The following CSTF3 variants were observed in gnomAD, a reference collection of about 807,000 sequenced individuals.
CSTF3 encodes cleavage stimulation factor subunit 3.
CSTF3 carries 29 observed loss-of-function variants against 105.8 expected under a neutral mutation model. The observed-to-expected ratio is 0.27, with a 90% CI of 0.20 to 0.37. The LOEUF (loss-of-function observed/expected upper bound fraction) is 0.37, where lower values mean the gene tolerates loss of function less well. CSTF3 is among the 10% of genes least tolerant of loss of function. CSTF3 has a pLI of 1.00. For synonymous variants in CSTF3, 252 were observed against 281.9 expected (o/e 0.89, Z 1.06); for missense variants, 357 against 879.3 (o/e 0.41, Z 7.51).
chr11:33,097,674 C>T (rs1229774497), intron 13 of CSTF3, among the ~76,000 whole-genome samples: 2 of 152,206 alleles, frequency 1.3e-5, no homozygotes, highest in East Asian at 1.9e-4. Flanking sequence ...GCCTGCAATA[C>T]ATGTTTAACT....
chr11:33,135,566 C>G (rs1412927070), intron 3 of CSTF3, among the ~76,000 whole-genome samples: 3 of 152,068 alleles, frequency 2.0e-5, no homozygotes. Flanking sequence ...ACTTTGGCTC[C>G]AGGGATAACA....
At position 33,098,535 on chromosome 11, in the gene CSTF3, T is replaced by C. The variant is rs1254946290; in HGVS notation, c.1128+155A>G. On this transcript the variant is annotated intron_variant, in intron 13 of 20. Transcript: ENST00000323959. Reference sequence around the variant, plus strand: ...TGGAGGATGGTGGAGGTGTTTTCTATCTTAATTGTGGTGGGGATCCCATAC... The same window carrying C: ...TGGAGGATGGTGGAGGTGTTTTCTACCTTAATTGTGGTGGGGATCCCATAC... Among the ~76,000 whole-genome samples, 4 of 152,248 alleles carry C rather than the reference T, an allele frequency of 2.6e-5. No individual in the cohort carries two copies. The East Asian group carries it at 5.8e-4, about 22-fold the overall frequency.
intron 3 of CSTF3, among the ~76,000 whole-genome samples, chr11:33,123,792 GTC>G (rs1048305279): frequency 7.2e-5 from 11 of 152,092 alleles, no homozygotes; most frequent in African/African-American, 2.4e-4. Context: ...TCTGAACATT[GTC>G]TCTGAGGGGA....
chr11:33,141,341 G>C, intron 3 of CSTF3: 1 of 603,634 alleles, frequency 1.7e-6, no homozygotes, highest in Non-Finnish European at 2.2e-6. Flanking sequence ...TTTGTAAGTA[G>C]GAATAAAAAG....
chr11:33,090,335 A>G (rs1235048996), intron 17 of CSTF3, among the ~76,000 whole-genome samples, 197 bp downstream of exon 17: 1 of 152,182 alleles, frequency 6.6e-6, no homozygotes, highest in Non-Finnish European at 1.5e-5. Flanking sequence ...TCCCATTTCA[A>G]TTCTCATTTT....
chr11:33,120,364 G>T (rs867804032), intron 3 of CSTF3, among the ~76,000 whole-genome samples: 54 of 151,668 alleles, frequency 3.6e-4, no homozygotes, highest in Non-Finnish European at 2.2e-4. Context: ...TGGGAATATG[G>T]TTTTTTTCTC....
At chr11:33,096,441 A>T (rs75467356) in intron 14 of CSTF3, 33 bp from the exon 15 acceptor site, 1 of 1,334,268 alleles carries the variant, frequency 7.5e-7, no homozygotes. Flanking sequence ...ACAGATTTCC[A>T]TGAAATGTCA....
rs1855091866 is a variant in CSTF3 at position 33,085,209 on chromosome 11, C to T, written c.2032G>A (p.Ala678Thr). 1.9e-6 allele frequency: 3 copies of T among 1,611,524 alleles called. No individual in the cohort carries two copies. Among genetic ancestry groups the T allele is most frequent in the Non-Finnish European group, 2.5e-6 (3 of 1,178,798 alleles). ...VEGNGPVESN[A>T]VLTKAVKRPN... Reference sequence around the variant, plus strand: ...CTTTTGACGGCCTTGGTGAGTACTGCATTACTTTCCACGGGGCCGTTGCCT... The same window carrying T: ...CTTTTGACGGCCTTGGTGAGTACTGTATTACTTTCCACGGGGCCGTTGCCT... The change falls in exon 21 of 21, where the codon GCA (alanine) becomes ACA (threonine). Residue 678 changes from alanine to threonine, a missense_variant. This residue lies in a region of CSTF3 where 73 missense variants were observed against 105.8 expected (regional missense o/e 0.69). Coordinates refer to ENST00000323959, the MANE Select transcript of CSTF3 (RefSeq NM_001326.3).
chr11:33,158,638 G>A (rs1018041776), intron 1 of CSTF3, among the ~76,000 whole-genome samples: 4 of 152,180 alleles, frequency 2.6e-5, no homozygotes, highest in African/African-American at 9.7e-5. Flanking sequence ...TAAACCAAGT[G>A]ATCAAACTTA....
intron 1 of CSTF3, among the ~76,000 whole-genome samples, chr11:33,154,667 T>C (rs1849836722): frequency 6.6e-6 from 1 of 151,984 alleles, no homozygotes; most frequent in African/African-American, 2.4e-5. Flanking sequence ...CAGCTAATTT[T>C]TGTATTTTTA....
rs1178912774 is a variant in CSTF3, at chr11:33,085,011, CGTT to C, written c.*73_*75del. The C allele has an allele frequency of 3.4e-6, 5 of 1,470,118 alleles. No homozygotes were observed. The highest frequency in any genetic ancestry group is 2.3e-5 in the South Asian group (2 of 87,362). The allele number at this position is 1,470,118 out of a possible 1,614,324, so 91.1% of individuals were successfully genotyped here. A position where few individuals can be genotyped will look rare whatever the true frequency, so the allele number is the denominator to read the frequency against. On this transcript the variant is annotated 3_prime_UTR_variant, in exon 21 of 21. Coordinates refer to ENST00000323959, the MANE Select transcript of CSTF3 (RefSeq NM_001326.3). ...TGTTTCCAAGAACCTTGTAACAAAGCGTTGTCTCTTTTAAACATACCACTTGAG... is the reference window on the plus strand; with the variant it reads ...TGTTTCCAAGAACCTTGTAACAAAGCGTCTCTTTTAAACATACCACTTGAG...
chr11:33,153,496 G>T (rs1849815688), intron 1 of CSTF3, among the ~76,000 whole-genome samples: 1 of 151,954 alleles, frequency 6.6e-6, no homozygotes, highest in East Asian at 1.9e-4. Context: ...TTTAAGGCTG[G>T]GCACAGTGGG....
rs1035192069 is a variant in CSTF3 at position 33,113,773 on chromosome 11, C to T, written c.226-5355G>A. Reference sequence around the variant, plus strand: ...TAATTACATTCAAATCAGTGGTTAACGGCCAGGTGCAGTGGCTCATGCCTA... The same window carrying T: ...TAATTACATTCAAATCAGTGGTTAATGGCCAGGTGCAGTGGCTCATGCCTA... On this transcript the variant is annotated intron_variant, in intron 3 of 20. Transcript: ENST00000323959. Among the ~76,000 whole-genome samples the T allele has an allele frequency of 2.0e-5, 3 of 151,720 alleles. No homozygotes were observed. In the South Asian group the frequency reaches 6.2e-4, roughly 32 times the overall value.
intron 3 of CSTF3, among the ~76,000 whole-genome samples, chr11:33,132,857 C>A (rs1223926661): frequency 6.6e-6 from 1 of 151,996 alleles, no homozygotes; most frequent in African/African-American, 2.4e-5. Context: ...TTTAAAATAT[C>A]TAAATTCTTA....
chr11:33,137,173 G>T (rs568808555), intron 3 of CSTF3, among the ~76,000 whole-genome samples: 18 of 151,946 alleles, frequency 1.2e-4, no homozygotes, highest in African/African-American at 4.1e-4. Flanking sequence ...AATGACTGCA[G>T]AGATTAGTTT....
intron 5 of CSTF3, 113 bp downstream of exon 5, chr11:33,107,790 T>A: frequency 3.3e-6 from 2 of 610,186 alleles, no homozygotes; most frequent in South Asian, 5.1e-5. Context: ...AATCCTGACT[T>A]TTCAAATCCT....
chr11:33,087,780 C>A (rs184739438), intron 17 of CSTF3, among the ~76,000 whole-genome samples: 1 of 152,200 alleles, frequency 6.6e-6, no homozygotes. Context: ...CCAGGTCACA[C>A]AGCTAATAAG....
At chr11:33,113,215 A>C (rs1418063175) in intron 3 of CSTF3, among the ~76,000 whole-genome samples, 1 of 96,178 alleles carries the variant, frequency 1.0e-5, no homozygotes, top group Non-Finnish European at 2.5e-5. Context: ...CAAAATAAAT[A>C]AATAAATAAA....
At chr11:33,098,991 T>A (rs748966702) in intron 12 of CSTF3, 43 bp downstream of exon 12, 1 of 1,544,746 alleles carries the variant, frequency 6.5e-7, no homozygotes, top group Non-Finnish European at 8.6e-7. Context: ...AGTCCTGCAC[T>A]AAAAAATTGA....
Sources: gnomAD v4.1 joint callset for allele counts (sites outside exome capture counted in the v4.1 genomes callset) on GRCh38, gnomAD v4.1.1 for gene constraint, gnomAD v4.1.1 regional missense constraint, MANE v1.5 for transcripts, NCBI Gene and HGNC (gene_info 2026-07-23, HGNC 2026-07-21) for gene names.